The following DLGAP2 variants were observed in gnomAD, a reference collection of about 807,000 sequenced individuals.
DLGAP2 encodes the protein disks large-associated protein 2.
Under a neutral mutation model 100.3 loss-of-function variants are expected in DLGAP2, and 26 were observed. The ratio of observed to expected loss-of-function variants is 0.26; its 90% CI spans 0.19 to 0.36. DLGAP2 has a LOEUF of 0.36. Among genes scored for constraint, DLGAP2 ranks in the 10% least tolerant of loss-of-function variants. The pLI is 1.00. For missense variants in DLGAP2, 1,858 were observed against 1,453.2 expected (o/e 1.28, Z -4.53); for synonymous variants, 886 against 630.1 (o/e 1.41, Z -6.08).
intron 3 of DLGAP2, among the ~76,000 whole-genome samples, chr8:1,308,567 C>G (rs960761331): frequency 7.2e-5 from 11 of 152,130 alleles, no homozygotes; most frequent in Non-Finnish European, 5.9e-5. Context: ...CTCTTGTTGC[C>G]CAGGCTGGAG....
intron 3 of DLGAP2, among the ~76,000 whole-genome samples, chr8:1,339,630 G>A (rs1801373485): frequency 6.6e-6 from 1 of 152,186 alleles, no homozygotes. Context: ...GCTTCACATG[G>A]GTTATCTCAT....
chr8:966,668 A>T (rs973480687), intron 2 of DLGAP2, among the ~76,000 whole-genome samples: 1 of 151,946 alleles, frequency 6.6e-6, no homozygotes, highest in African/African-American at 2.4e-5. Context: ...GTTATCTTTT[A>T]TCCTCTTTCA....
chr8:737,821 G>A lies in DLGAP2; in HGVS notation c.14G>A (p.Arg5Lys). Residue 5 changes from arginine to lysine, a missense_variant, in exon 1 of 15, where the codon AGG becomes AAG. Physicochemically the swap from Arg to Lys is conservative, Grantham distance 26. Transcript: ENST00000637795. MSAL[R>K]KVLPGILQKH... ...GAGCGTCCGAGGATGTCCGCGCTGA[G>A]GAAGGTGCGAGCCGCCGGGGGCTGC... 2.6e-6 allele frequency: 1 copy of A among 379,746 alleles called. No individual in the cohort carries two copies. The allele number at this position is 379,746 out of a possible 1,614,324, so 23.5% of individuals were successfully genotyped here.
intron 3 of DLGAP2, among the ~76,000 whole-genome samples, chr8:1,495,492 C>T (rs1358567106): frequency 3.3e-5 from 5 of 152,226 alleles, no homozygotes; most frequent in African/African-American, 9.6e-5. Context: ...GAGGGGCCGC[C>T]ATCATGAGGG....
chr8:738,579 G>A (rs1368778035), intron 1 of DLGAP2: 1 of 152,158 alleles, frequency 6.6e-6, no homozygotes, highest in African/African-American at 2.4e-5. Context: ...CTTCGCTAAC[G>A]ATTGCAGGAG....
chr8:1,626,248 C>T (rs1479814737), intron 6 of DLGAP2, among the ~76,000 whole-genome samples: 19 of 105,618 alleles, frequency 1.8e-4, no homozygotes, highest in African/African-American at 5.5e-4. Context: ...TACCCTGCAG[C>T]GGGTGCTCAC....
chr8:1,674,256 G>C lies in DLGAP2; in HGVS notation c.2203-2277G>C, dbSNP rs1798758351. 2.6e-5 allele frequency among the ~76,000 whole-genome samples: 4 copies of C among 152,038 alleles called. No homozygotes were observed. The South Asian group carries it at 8.3e-4, about 32-fold the overall frequency. ...GATGGGGTCTTGCCATGTTGCCTAG[G>C]CTGGTCTCTAACGCCTAGGCTCAAG... On this transcript the variant is annotated intron_variant, in intron 10 of 14. Coordinates refer to ENST00000637795, the MANE Select transcript of DLGAP2 (RefSeq NM_001346810.2).
intron 8 of DLGAP2, among the ~76,000 whole-genome samples, chr8:1,655,565 G>T (rs1226816039): frequency 1.3e-5 from 2 of 152,200 alleles, no homozygotes; most frequent in Non-Finnish European, 2.9e-5. Flanking sequence ...GAATTCAGAA[G>T]TGGTGTCCAG....
rs539222331 is a variant in DLGAP2, at chr8:1,479,756, C to A, written c.107-21610C>A. ...CTTTTCCTTGTGCCTCATCAGAAGC[C>A]CCCTGCGGTCCAAGCTGGCTGTTAA... On this transcript the variant is annotated intron_variant, in intron 3 of 14. Coordinates refer to ENST00000637795, the MANE Select transcript of DLGAP2 (RefSeq NM_001346810.2). Among the ~76,000 whole-genome samples, 25 of 152,250 alleles carry A rather than the reference C, an allele frequency of 1.6e-4. No individual in the cohort carries two copies. In the East Asian group the frequency reaches 4.8e-3, roughly 29 times the overall value.
chr8:1,430,029 C>CATATATATATATAT (rs1298205913), intron 3 of DLGAP2, among the ~76,000 whole-genome samples: 4 of 39,244 alleles, frequency 1.0e-4, no homozygotes, highest in Non-Finnish European at 1.4e-4. Flanking sequence ...TATATATATA[C>CATATATATATATAT]ACACACACAC....
intron 2 of DLGAP2, among the ~76,000 whole-genome samples, chr8:943,626 G>A (rs959869672): frequency 2.1e-5 from 3 of 141,754 alleles, no homozygotes; most frequent in Admixed American, 7.1e-5. Flanking sequence ...GCTGGCATGT[G>A]GACGTCGTGA....
intron 2 of DLGAP2, among the ~76,000 whole-genome samples, chr8:1,043,218 GGGTGGT>G (rs1802417146): frequency 9.2e-6 from 1 of 108,714 alleles, no homozygotes; most frequent in African/African-American, 3.4e-5. Flanking sequence ...TGGTGGGTGT[GGGTGGT>G]GGATGTGGGT....
At chr8:1,518,395 T>G (rs1288462856) in intron 4 of DLGAP2, among the ~76,000 whole-genome samples, 1 of 152,200 alleles carries the variant, frequency 6.6e-6, no homozygotes, top group African/African-American at 2.4e-5. Flanking sequence ...AGGTTTAAGA[T>G]GGACTTTTAA....
At chr8:1,577,559 C>T (rs969206685) in intron 6 of DLGAP2, among the ~76,000 whole-genome samples, 2 of 110,088 alleles carry the variant, frequency 1.8e-5, no homozygotes, top group African/African-American at 4.2e-5. Context: ...CAGAATTACA[C>T]TCTCTCTCAA....
intron 5 of DLGAP2, among the ~76,000 whole-genome samples, chr8:1,557,338 C>T (rs1801999747): frequency 6.6e-6 from 1 of 152,102 alleles, no homozygotes; most frequent in African/African-American, 2.4e-5. Flanking sequence ...CTGTGCCTGC[C>T]TGACCTCCCT....
At chr8:1,215,472 C>T (rs1223960528) in intron 2 of DLGAP2, among the ~76,000 whole-genome samples, 3 of 124,724 alleles carry the variant, frequency 2.4e-5, no homozygotes, top group Non-Finnish European at 5.2e-5. Flanking sequence ...CTGGAGACGT[C>T]CAGGTACCTG....
chr8:1,506,494 C>T (rs527896947), intron 4 of DLGAP2, among the ~76,000 whole-genome samples: 7 of 152,210 alleles, frequency 4.6e-5, no homozygotes, highest in African/African-American at 7.2e-5. Context: ...CAGATCTTCG[C>T]GGTGAGTGTT....
intron 1 of DLGAP2, among the ~76,000 whole-genome samples, chr8:807,672 A>G (rs1408818688): frequency 6.6e-6 from 1 of 150,778 alleles, no homozygotes; most frequent in Non-Finnish European, 1.5e-5. Context: ...TCTTCATTTT[A>G]TTCTTGATAG....
At chr8:946,533 G>A (rs1467254202) in intron 2 of DLGAP2, among the ~76,000 whole-genome samples, 2 of 152,168 alleles carry the variant, frequency 1.3e-5, no homozygotes, top group Admixed American at 6.5e-5. Context: ...AAAGTGCTGG[G>A]ATTACAGGCG....
Sources: gnomAD v4.1 joint callset for allele counts (sites outside exome capture counted in the v4.1 genomes callset) on GRCh38, gnomAD v4.1.1 for gene constraint, MANE v1.5 for transcripts, NCBI Gene and HGNC (gene_info 2026-07-23, HGNC 2026-07-21) for gene names.